The following PSD3 variants were observed in gnomAD, a reference collection of about 807,000 sequenced individuals.
The protein encoded by PSD3 is pleckstrin and Sec7 domain containing 3.
A neutral mutation model predicts 105.5 loss-of-function variants in PSD3; 49 were observed. The observed-to-expected ratio is 0.46, with a 90% CI of 0.37 to 0.59. The LOEUF is 0.59. Ranked by LOEUF, PSD3 falls within the 20% of genes least tolerant of loss-of-function variation. The pLI is 0.00. For missense variants in PSD3, 1,561 were observed against 1,263.8 expected (o/e 1.24, Z -3.57); for synonymous variants, 557 against 457.8 (o/e 1.22, Z -2.77).
intron 6 of PSD3, chr8:18,802,169 G>A (rs1563286995): frequency 4.8e-6 from 1 of 208,160 alleles, no homozygotes; most frequent in Non-Finnish European, 1.0e-5. Context: ...GTTATAGGAG[G>A]AGGAAATTGG....
chr8:18,685,269 A>G (rs1373267518), intron 9 of PSD3, among the ~76,000 whole-genome samples: 1 of 152,186 alleles, frequency 6.6e-6, no homozygotes, highest in Admixed American at 6.5e-5. Context: ...GGTTTAAAGT[A>G]ATTCTTAAAC....
chr8:18,736,027 A>G (rs1804125597), intron 9 of PSD3, among the ~76,000 whole-genome samples: 1 of 152,210 alleles, frequency 6.6e-6, no homozygotes, highest in Non-Finnish European at 1.5e-5. Context: ...AATTGTTTTT[A>G]TGGAAAGTAG....
chr8:18,718,270 A>T (rs913426660), intron 9 of PSD3, among the ~76,000 whole-genome samples: 3 of 152,244 alleles, frequency 2.0e-5, no homozygotes, highest in Non-Finnish European at 4.4e-5. Context: ...ACATTCATCT[A>T]GAATCACAGC....
chr8:18,704,407 G>A (rs756818768), intron 9 of PSD3, among the ~76,000 whole-genome samples: 13 of 151,736 alleles, frequency 8.6e-5, no homozygotes, highest in South Asian at 4.2e-4. Context: ...GTGTGGTCTC[G>A]GCTCACTGAA....
intron 9 of PSD3, among the ~76,000 whole-genome samples, chr8:18,754,549 T>C (rs1172149304): frequency 6.6e-6 from 1 of 152,126 alleles, no homozygotes; most frequent in Non-Finnish European, 1.5e-5. Flanking sequence ...GGTATTTGCC[T>C]GTGTCTACAG....
rs183408566 is a variant in PSD3 at position 18,802,887 on chromosome 8, A to G, written c.1911-1505T>C. On this transcript the variant is annotated intron_variant, in intron 6 of 15. Coordinates refer to ENST00000327040, the MANE Select transcript of PSD3 (RefSeq NM_015310.4). ...TTAGACACCTTCATTTGAAAAGGTC[A>G]GAAAAAGTGGATATTGTTGCAAACA... Among the ~76,000 whole-genome samples the G allele has an allele frequency of 1.1e-3, 165 of 152,358 alleles. 2 individuals are homozygous for G. In the Middle Eastern group the frequency reaches 0.014, roughly 13 times the overall value.
intron 1 of PSD3, among the ~76,000 whole-genome samples, chr8:18,978,656 G>C (rs919984512): frequency 1.3e-5 from 2 of 152,134 alleles, no homozygotes; most frequent in Non-Finnish European, 2.9e-5. Flanking sequence ...GGCAGGTATA[G>C]AATGTTCCCA....
At chr8:19,074,543 ATT>A (rs1829383148) in intron 1 of PSD3, among the ~76,000 whole-genome samples, 1 of 140,308 alleles carries the variant, frequency 7.1e-6, no homozygotes, top group African/African-American at 2.7e-5. Flanking sequence ...TTTTTAGTTT[ATT>A]TTTATGACTT....
At chr8:18,775,427 C>A (rs1249512990) in intron 8 of PSD3, among the ~76,000 whole-genome samples, 1 of 152,150 alleles carries the variant, frequency 6.6e-6, no homozygotes, top group Non-Finnish European at 1.5e-5. Flanking sequence ...TTTCAATGAG[C>A]ATTCACACTC....
intron 14 of PSD3, 137 bp from the exon 15 acceptor site, chr8:18,556,489 C>T: frequency 1.1e-6 from 1 of 869,900 alleles, no homozygotes; most frequent in Non-Finnish European, 1.8e-6. Flanking sequence ...GCTGCCACAT[C>T]CTTCCAGCTT....
At chr8:18,742,738 C>A (rs1226768965) in intron 9 of PSD3, among the ~76,000 whole-genome samples, 1 of 152,122 alleles carries the variant, frequency 6.6e-6, no homozygotes, top group Non-Finnish European at 1.5e-5. Flanking sequence ...ATAAAAATGT[C>A]AGGAATTATT....
intron 8 of PSD3, among the ~76,000 whole-genome samples, chr8:18,774,103 G>GT (rs1807802742): frequency 6.6e-6 from 1 of 151,976 alleles, no homozygotes; most frequent in Non-Finnish European, 1.5e-5. Flanking sequence ...GTCCTAATAG[G>GT]TTTTTTCTTT....
At chr8:18,907,989 G>GA (rs1178530159) in intron 2 of PSD3, among the ~76,000 whole-genome samples, 1 of 152,204 alleles carries the variant, frequency 6.6e-6, no homozygotes, top group Non-Finnish European at 1.5e-5. Flanking sequence ...TATGCAACGT[G>GA]AAATGGTTAA....
intron 1 of PSD3, among the ~76,000 whole-genome samples, chr8:18,948,690 C>A (rs1186547929): frequency 1.3e-5 from 2 of 152,182 alleles, no homozygotes; most frequent in African/African-American, 2.4e-5. Context: ...GCATAAGCAT[C>A]AGCCTTAGTC....
In PSD3 at chr8:18,860,661, G is replaced by T. The variant is rs541333705; in HGVS notation, c.1634+7013C>A. Among the ~76,000 whole-genome samples, 253 of 152,252 alleles carry T rather than the reference G, an allele frequency of 1.7e-3. 1 individual carries two copies. The highest frequency in any genetic ancestry group is 0.017 in the South Asian group (80 of 4,820). ...TTCAGAGAACAATTTACTCAAGAAA[G>T]TTGGTGTCTTTTTTCCTCCCCAAAA... On this transcript the variant is annotated intron_variant, in intron 4 of 15. Coordinates refer to ENST00000327040, the MANE Select transcript of PSD3 (RefSeq NM_015310.4).
Position 18,617,940 on chromosome 8 carries a change from A to G in PSD3, c.2410+14673T>C, listed in dbSNP as rs562265174. On this transcript the variant is annotated intron_variant, in intron 11 of 15. Coordinates refer to ENST00000327040, the MANE Select transcript of PSD3 (RefSeq NM_015310.4). ...CTGCAAAGCCGTCTCTAGTGGGGGAAATCTGCATTCTATAGAGAATCTCCC... is the reference window on the plus strand; with the variant it reads ...CTGCAAAGCCGTCTCTAGTGGGGGAGATCTGCATTCTATAGAGAATCTCCC... Among the ~76,000 whole-genome samples the G allele has an allele frequency of 3.3e-5, 5 of 152,306 alleles. No individual in the cohort carries two copies. The East Asian group carries it at 9.7e-4, about 29-fold the overall frequency.
chr8:18,776,299 AATAT>A (rs1173358255), intron 8 of PSD3, among the ~76,000 whole-genome samples: 2 of 147,136 alleles, frequency 1.4e-5, no homozygotes, highest in South Asian at 2.1e-4. Context: ...ATAATGTATA[AATAT>A]ATATAGTATA....
intron 1 of PSD3, among the ~76,000 whole-genome samples, chr8:19,048,908 T>C (rs1447400825): frequency 6.6e-6 from 1 of 152,162 alleles, no homozygotes; most frequent in Non-Finnish European, 1.5e-5. Context: ...ATCAAGGCAT[T>C]GGCAGGTTTG....
intron 1 of PSD3, among the ~76,000 whole-genome samples, chr8:19,026,144 G>A (rs114798455): frequency 0.11 from 16,554 of 152,104 alleles, 976 homozygotes; most frequent in Non-Finnish European, 0.14. Context: ...TGATTCAATT[G>A]CCTCCTACTG....
Sources: gnomAD v4.1 joint callset for allele counts (sites outside exome capture counted in the v4.1 genomes callset) on GRCh38, gnomAD v4.1.1 for gene constraint, MANE v1.5 for transcripts, NCBI Gene and HGNC (gene_info 2026-07-23, HGNC 2026-07-21) for gene names.